MAP3K2: variants seen among roughly 807,000 people sequenced by gnomAD.
The protein encoded by MAP3K2 is MAP/ERK kinase kinase 2.
In MAP3K2, 24 loss-of-function variants were observed where a neutral mutation model predicts 80.3. The observed-to-expected ratio is 0.30, with a 90% CI of 0.22 to 0.42. The LOEUF (loss-of-function observed/expected upper bound fraction) is 0.42, where lower values mean the gene tolerates loss of function less well. Among genes scored for constraint, MAP3K2 ranks in the 10% least tolerant of loss-of-function variants. MAP3K2 has a pLI of 1.00. For missense variants in MAP3K2, 608 were observed against 750.1 expected, an observed-to-expected ratio of 0.81 and a Z score of 2.21; for synonymous variants, 244 against 253.7, an observed-to-expected ratio of 0.96 and a Z score of 0.36.
chr2:127,303,158 T>C lies in MAP3K2; in HGVS notation c.*4421A>G, dbSNP rs895621878. The C allele has an allele frequency of 4.6e-5, 7 of 152,098 alleles. No homozygotes were observed. Among genetic ancestry groups the C allele is most frequent in the Non-Finnish European group, 1.0e-4 (7 of 68,028 alleles). 9.4% of individuals were successfully genotyped at this position (152,098 alleles called of 1,614,324 possible). A position where few individuals can be genotyped will look rare whatever the true frequency, so the allele number is the denominator to read the frequency against. Reference sequence around the variant, plus strand: ...ATTCAAATAAATATGAACATTACATTTGTAAAACAAAGGCCAAACTTAGTA... The same window carrying C: ...ATTCAAATAAATATGAACATTACATCTGTAAAACAAAGGCCAAACTTAGTA... On this transcript the variant is annotated 3_prime_UTR_variant, in exon 17 of 17. Coordinates refer to ENST00000682094, the MANE Select transcript of MAP3K2 (RefSeq NM_001371910.2).
At chr2:127,344,488 CAAAAAA>C (rs10611311) in intron 1 of MAP3K2, among the ~76,000 whole-genome samples, 2 of 129,136 alleles carry the variant, frequency 1.5e-5, no homozygotes, top group African/African-American at 2.9e-5. Flanking sequence ...CCATTTCCAC[CAAAAAA>C]AAAAAAAAAA....
intron 2 of MAP3K2, among the ~76,000 whole-genome samples, chr2:127,340,069 A>G (rs568706062): frequency 6.6e-6 from 1 of 152,336 alleles, no homozygotes; most frequent in Non-Finnish European, 1.5e-5. Flanking sequence ...CTAATTTTTA[A>G]TAACACTTAA....
Position 127,314,773 on chromosome 2 carries a change from A to T in MAP3K2, c.1437T>A (p.Ile479=). The T allele has an allele frequency of 6.2e-7, 1 of 1,608,880 alleles. No individual in the cohort carries two copies. Among genetic ancestry groups the T allele is most frequent in the Non-Finnish European group, 8.5e-7 (1 of 1,175,978 alleles). ...EGVHYLHSNM[I]VHRDIKGANI... is the part of the protein sequence containing the mutation. ...ACTTACCTTTGATATCTCTATGGAC[A>T]ATCATATTACTGTGCAAATAATGGA... is the stretch of plus-strand genomic sequence containing the variant. Residue 479 remains isoleucine, a synonymous_variant, in exon 15 of 17, where the codon ATT becomes ATA. Coordinates refer to ENST00000682094, the MANE Select transcript of MAP3K2 (RefSeq NM_001371910.2).
Position 127,303,436 on chromosome 2 carries a change from T to C in MAP3K2, c.*4143A>G, listed in dbSNP as rs926789603. On this transcript the variant is annotated 3_prime_UTR_variant, in exon 17 of 17. Coordinates refer to ENST00000682094, the MANE Select transcript of MAP3K2 (RefSeq NM_001371910.2). ...CAGTAAGAGGGGGTCCTGAGAGAGA[T>C]GCTATGTGACCTGGTTGGGGAGGGG... 2.6e-5 allele frequency: 4 copies of C among 151,992 alleles called. No homozygotes were observed. Among genetic ancestry groups the C allele is most frequent in the African/African-American group, 7.2e-5 (3 of 41,420 alleles). The allele number at this position is 151,992 out of a possible 1,614,324, so 9.4% of individuals were successfully genotyped here.
At chr2:127,341,036 A>C (rs867673512) in intron 2 of MAP3K2, among the ~76,000 whole-genome samples, 11 of 151,946 alleles carry the variant, frequency 7.2e-5, no homozygotes, top group Admixed American at 2.6e-4. Context: ...ATTGCCCAGG[A>C]TGGAGTGCAG....
At chr2:127,361,837 T>C (rs984599770) in intron 1 of MAP3K2, among the ~76,000 whole-genome samples, 8 of 152,222 alleles carry the variant, frequency 5.3e-5, no homozygotes, top group African/African-American at 1.9e-4. Context: ...GCGGTAGTTA[T>C]AGGTGACTCT....
chr2:127,349,166 C>CT (rs111941552), intron 1 of MAP3K2, among the ~76,000 whole-genome samples: 61 of 147,502 alleles, frequency 4.1e-4, no homozygotes, highest in South Asian at 1.5e-3. Context: ...TCTTTTCTTT[C>CT]TTTTTTTTTT....
chr2:127,339,164 A>G lies in MAP3K2; in HGVS notation c.5-114T>C, dbSNP rs761066206. ...AAAATTTGATGTAGAGAATGTATTA[A>G]TGCAAAAATGCATCTAGAACATTTT... On this transcript the variant is annotated intron_variant, in intron 2 of 16. Coordinates refer to ENST00000682094, the MANE Select transcript of MAP3K2 (RefSeq NM_001371910.2). The surrounding 1 kb of genome is among the most constrained non-coding windows in gnomAD (Gnocchi z 4.2). 4.7e-6 allele frequency: 3 copies of G among 631,990 alleles called. No homozygotes were observed. The Admixed American group carries it at 9.4e-5, about 20-fold the overall frequency. The allele number at this position is 631,990 out of a possible 1,614,324, so 39.1% of individuals were successfully genotyped here.
Position 127,299,531 on chromosome 2 carries a change from G to A in MAP3K2, c.*8048C>T, listed in dbSNP as rs909251690. Reference sequence around the variant, plus strand: ...GGAGATAGAAAAATCTTGACATCTCGAGACAATTTAGTTTCTCACATTTTT... The same window carrying A: ...GGAGATAGAAAAATCTTGACATCTCAAGACAATTTAGTTTCTCACATTTTT... On this transcript the variant is annotated 3_prime_UTR_variant, in exon 17 of 17. Coordinates refer to ENST00000682094, the MANE Select transcript of MAP3K2 (RefSeq NM_001371910.2). 5.3e-5 allele frequency: 8 copies of A among 152,120 alleles called. No individual in the cohort carries two copies. The highest frequency in any genetic ancestry group is 7.4e-5 in the Non-Finnish European group (5 of 67,986). The allele number at this position is 152,120 out of a possible 1,614,324, so 9.4% of individuals were successfully genotyped here. A position where few individuals can be genotyped will look rare whatever the true frequency, so the allele number is the denominator to read the frequency against.
intron 12 of MAP3K2, among the ~76,000 whole-genome samples, chr2:127,319,673 A>AAAAAAAAAAAAAAAAAAAAAG (rs1558975361): frequency 7.0e-6 from 1 of 142,496 alleles, no homozygotes; most frequent in African/African-American, 2.7e-5. Context: ...AAAAAAAAAA[A>AAAAAAAAAAAAAAAAAAAAAG]AAAAAGAAAA....
At chr2:127,359,305 G>GA (rs1418342628) in intron 1 of MAP3K2, among the ~76,000 whole-genome samples, 1 of 152,092 alleles carries the variant, frequency 6.6e-6, no homozygotes, top group Non-Finnish European at 1.5e-5. Context: ...GAGTTAAGAG[G>GA]ATGAGAATAT....
Position 127,305,629 on chromosome 2 carries a change from G to GA in MAP3K2, c.*1949dup, listed in dbSNP as rs1223834602. 1 of 152,086 alleles carries GA rather than the reference G, an allele frequency of 6.6e-6. No homozygotes were observed. The highest frequency in any genetic ancestry group is 2.4e-5 in the African/African-American group (1 of 41,420). The allele number at this position is 152,086 out of a possible 1,614,324, so 9.4% of individuals were successfully genotyped here. On this transcript the variant is annotated 3_prime_UTR_variant, in exon 17 of 17. Coordinates refer to ENST00000682094, the MANE Select transcript of MAP3K2 (RefSeq NM_001371910.2). ...TACCTGAGTCCCTTATGAATCCCAT[G>GA]AAAGGGATTCTGGGGCCTCCAGGAA... is the stretch of plus-strand genomic sequence containing the variant.
At chr2:127,327,552 AAGGAGAT>A (rs1686168499) in intron 7 of MAP3K2, among the ~76,000 whole-genome samples, 1 of 150,078 alleles carries the variant, frequency 6.7e-6, no homozygotes, top group Non-Finnish European at 1.5e-5. Flanking sequence ...CAATTACTAA[AAGGAGAT>A]AGGACCAAAA....
At chr2:127,375,943 T>C (rs541099900) in intron 1 of MAP3K2, among the ~76,000 whole-genome samples, 1 of 152,292 alleles carries the variant, frequency 6.6e-6, no homozygotes, top group South Asian at 2.1e-4. Flanking sequence ...CAAGTTTGTC[T>C]TATGTTATTT....
At chr2:127,317,596 A>C in intron 14 of MAP3K2, 33 bp downstream of exon 14, 1 of 1,479,154 alleles carries the variant, frequency 6.8e-7, no homozygotes, top group Non-Finnish European at 9.0e-7. Flanking sequence ...TTTTAAATAG[A>C]ATGTGTATTT....
At chr2:127,324,565 A>G (rs912763336) in intron 9 of MAP3K2, among the ~76,000 whole-genome samples, 1 of 152,174 alleles carries the variant, frequency 6.6e-6, no homozygotes, top group Non-Finnish European at 1.5e-5. Context: ...CTGCATCAAC[A>G]AAAAAGATAA....
Position 127,338,913 on chromosome 2 carries a change from T to C in MAP3K2, c.123+19A>G, listed in dbSNP as rs569272975. On this transcript the variant is annotated intron_variant, in intron 3 of 16. Transcript: ENST00000682094. ...TAAAGGAAAGTAATTCATAAAAAAA[T>C]ACTTATTAAAATAAATACCTGTTTT... 6.8e-7 allele frequency: 1 copy of C among 1,474,478 alleles called. No homozygotes were observed. The highest frequency in any genetic ancestry group is 9.3e-7 in the Non-Finnish European group (1 of 1,077,550). 91.3% of individuals were successfully genotyped at this position (1,474,478 alleles called of 1,614,324 possible). A position where few individuals can be genotyped will look rare whatever the true frequency, so the allele number is the denominator to read the frequency against.
intron 1 of MAP3K2, among the ~76,000 whole-genome samples, chr2:127,357,968 A>T (rs1025398983): frequency 6.6e-6 from 1 of 152,240 alleles, no homozygotes; most frequent in African/African-American, 2.4e-5. Flanking sequence ...AAAGAAAAAA[A>T]TGCATTGAAC....
At chr2:127,313,804 A>G (rs150035170) in intron 15 of MAP3K2, among the ~76,000 whole-genome samples, 1 of 152,302 alleles carries the variant, frequency 6.6e-6, no homozygotes, top group East Asian at 1.9e-4. Context: ...AATGTGGTCC[A>G]TAATGACGTG....
Sources: gnomAD v4.1 joint callset for allele counts (sites outside exome capture counted in the v4.1 genomes callset) on GRCh38, gnomAD v4.1.1 for gene constraint, Gnocchi (gnomAD v3.1) non-coding constraint, MANE v1.5 for transcripts, NCBI Gene and HGNC (gene_info 2026-07-23, HGNC 2026-07-21) for gene names.